VIPR2: variants seen among roughly 807,000 people sequenced by gnomAD.
VIPR2 encodes the protein vasoactive intestinal polypeptide receptor 2.
VIPR2 carries 48 observed loss-of-function variants against 58.0 expected under a neutral mutation model. The ratio of observed to expected loss-of-function variants is 0.83; its 90% CI spans 0.66 to 1.05. VIPR2 has a LOEUF of 1.05. Ranked by LOEUF, VIPR2 falls within the 50% of genes least tolerant of loss-of-function variation. The pLI is 0.00. For synonymous variants in VIPR2, 243 were observed against 235.2 expected (o/e 1.03, Z -0.30); for missense variants, 534 against 558.0 (o/e 0.96, Z 0.43).
intron 2 of VIPR2, among the ~76,000 whole-genome samples, chr7:159,111,603 C>G (rs1050066588): frequency 6.6e-6 from 1 of 151,890 alleles, no homozygotes; most frequent in African/African-American, 2.4e-5. Context: ...TTGCTTGAAC[C>G]CAGAAGGTGG....
intron 6 of VIPR2, among the ~76,000 whole-genome samples, chr7:159,037,165 C>T (rs574270278): frequency 3.9e-5 from 6 of 152,334 alleles, no homozygotes; most frequent in East Asian, 3.9e-4. Context: ...CTGAGGTGAG[C>T]GCACTCACTG....
At chr7:159,051,772 C>T (rs1021299082) in intron 5 of VIPR2, among the ~76,000 whole-genome samples, 2 of 152,170 alleles carry the variant, frequency 1.3e-5, no homozygotes, top group South Asian at 4.2e-4. Context: ...AGGTAGGAGA[C>T]ATTACTACAC....
In VIPR2 at chr7:159,116,928, C is replaced by T. The variant is rs114693788; in HGVS notation, c.152-7009G>A. 7.0e-3 allele frequency: 1,359 copies of T among 195,170 alleles called. 19 individuals carry two copies. Among genetic ancestry groups the T allele is most frequent in the African/African-American group, 0.03 (1,283 of 42,412 alleles). The allele number at this position is 195,170 out of a possible 1,614,324, so 12.1% of individuals were successfully genotyped here. A position where few individuals can be genotyped will look rare whatever the true frequency, so the allele number is the denominator to read the frequency against. ...ATGACGTTATAGGTGTTACTTTGAG[C>T]TCTGGATTTGGATTTATTTTCTCAT... On this transcript the variant is annotated intron_variant, in intron 2 of 12. Coordinates refer to ENST00000262178, the MANE Select transcript of VIPR2 (RefSeq NM_003382.5).
intron 4 of VIPR2, chr7:159,059,395 T>C (rs1215326492): frequency 8.6e-6 from 4 of 464,844 alleles, no homozygotes; most frequent in Non-Finnish European, 1.8e-5. Flanking sequence ...CGTGTGCTTA[T>C]GTGATGAATT....
chr7:159,037,425 T>C (rs1854045833), intron 6 of VIPR2, among the ~76,000 whole-genome samples: 2 of 152,196 alleles, frequency 1.3e-5, no homozygotes, highest in African/African-American at 4.8e-5. Flanking sequence ...CGAGTGCAGG[T>C]AGAGGGCGCG....
At chr7:159,144,130 T>G (rs1797591033) in intron 1 of VIPR2, among the ~76,000 whole-genome samples, 1 of 151,936 alleles carries the variant, frequency 6.6e-6, no homozygotes, top group African/African-American at 2.4e-5. Context: ...TTTCTTTCCT[T>G]TTTTTTTAAG....
At chr7:159,103,311 T>C (rs984091029) in intron 4 of VIPR2, among the ~76,000 whole-genome samples, 7 of 152,138 alleles carry the variant, frequency 4.6e-5, no homozygotes, top group African/African-American at 1.7e-4. Flanking sequence ...GACACCCTAA[T>C]TGTGATCACA....
At chr7:159,091,113 C>T (rs182701542) in intron 4 of VIPR2, among the ~76,000 whole-genome samples, 1 of 152,392 alleles carries the variant, frequency 6.6e-6, no homozygotes, top group East Asian at 1.9e-4. Context: ...TTCCTGTGAC[C>T]ATTTTACCAA....
chr7:159,040,363 G>A (rs1346149240), intron 6 of VIPR2, among the ~76,000 whole-genome samples: 1 of 152,260 alleles, frequency 6.6e-6, no homozygotes, highest in East Asian at 1.9e-4. Flanking sequence ...GTGTGAGCAC[G>A]TGAGTACGCA....
chr7:159,046,893 A>T (rs751215351), intron 5 of VIPR2, among the ~76,000 whole-genome samples: 1 of 152,248 alleles, frequency 6.6e-6, no homozygotes, highest in Non-Finnish European at 1.5e-5. Context: ...GAAAATTTTC[A>T]TTTAAGCCAA....
intron 5 of VIPR2, among the ~76,000 whole-genome samples, chr7:159,047,556 T>C (rs1854731104): frequency 6.6e-6 from 1 of 152,200 alleles, no homozygotes; most frequent in African/African-American, 2.4e-5. Context: ...ACCCTGAATT[T>C]ATTGCAATTC....
intron 7 of VIPR2, 46 bp downstream of exon 7, chr7:159,036,706 G>A (rs778134660): frequency 1.2e-4 from 195 of 1,576,614 alleles, no homozygotes; most frequent in Non-Finnish European, 1.6e-4. Flanking sequence ...TGTTTGGTCC[G>A]ATGGGATGGG....
chr7:159,063,679 C>T (rs1855862064), intron 4 of VIPR2, among the ~76,000 whole-genome samples: 1 of 148,248 alleles, frequency 6.7e-6, no homozygotes, highest in African/African-American at 2.5e-5. Flanking sequence ...CATGCTGTCA[C>T]CTCTCAGTGG....
chr7:159,069,651 G>A (rs546758611), intron 4 of VIPR2, among the ~76,000 whole-genome samples: 1 of 152,074 alleles, frequency 6.6e-6, no homozygotes, highest in Non-Finnish European at 1.5e-5. Context: ...ACCTGGGCTG[G>A]TTTCTTTGTA....
intron 5 of VIPR2, among the ~76,000 whole-genome samples, chr7:159,043,571 A>C (rs1854474206): frequency 6.6e-6 from 1 of 152,214 alleles, no homozygotes; most frequent in Admixed American, 6.5e-5. Flanking sequence ...GCTTATGCCA[A>C]CCAAGTGAAC....
chr7:159,035,629 A>AACATGCAG (rs1183915731), intron 8 of VIPR2: 65 of 956,818 alleles, frequency 6.8e-5, no homozygotes, highest in Non-Finnish European at 7.1e-5. Flanking sequence ...CCGGGTAAAC[A>AACATGCAG]ACATGCAGGG....
intron 2 of VIPR2, among the ~76,000 whole-genome samples, chr7:159,110,224 T>C (rs1458379638): frequency 6.6e-6 from 1 of 152,204 alleles, no homozygotes; most frequent in Non-Finnish European, 1.5e-5. Context: ...CACCACTGGG[T>C]ATTAGTGTAA....
chr7:159,125,737 C>T (rs770036565), intron 2 of VIPR2, among the ~76,000 whole-genome samples: 36 of 152,140 alleles, frequency 2.4e-4, no homozygotes, highest in Non-Finnish European at 1.9e-4. Context: ...TTCAAAATAA[C>T]ACCATTCCTG....
intron 4 of VIPR2, among the ~76,000 whole-genome samples, chr7:159,094,583 A>G (rs78766442): frequency 0.014 from 2,120 of 152,234 alleles, 32 homozygotes; most frequent in Admixed American, 0.034. Flanking sequence ...TGTTACCCCA[A>G]GTGAGCCTGC....
Sources: allele counts gnomAD v4.1 joint callset (sites outside exome capture counted in the v4.1 genomes callset), GRCh38; gene constraint gnomAD v4.1.1; transcripts MANE v1.5; gene names NCBI Gene and HGNC (gene_info 2026-07-23, HGNC 2026-07-21).